Variants in SLC7A8 observed in about 807,000 individuals in gnomAD.
SLC7A8 encodes large neutral amino acids transporter small subunit 2.
SLC7A8 carries 30 observed loss-of-function variants against 51.2 expected under a neutral mutation model. The observed-to-expected ratio is 0.59, with a 90% CI of 0.44 to 0.80. The LOEUF (loss-of-function observed/expected upper bound fraction) is 0.80. Ranked by LOEUF, SLC7A8 falls within the 30% of genes least tolerant of loss-of-function variation. The pLI is 0.00. For missense variants in SLC7A8, 612 were observed against 674.4 expected (o/e 0.91, Z 1.03); for synonymous variants, 257 against 275.8 (o/e 0.93, Z 0.67).
At chr14:23,154,197 T>C in intron 3 of SLC7A8, 2 of 982,592 alleles carry the variant, frequency 2.0e-6, no homozygotes, top group Non-Finnish European at 2.5e-6. Context: ...CCCAGCCCTC[T>C]GAAACGCCAT....
At chr14:23,134,861 C>T (rs2048674367) in intron 7 of SLC7A8, among the ~76,000 whole-genome samples, 1 of 152,204 alleles carries the variant, frequency 6.6e-6, no homozygotes, top group African/African-American at 2.4e-5. Context: ...TGGTAACATG[C>T]TACACAATTA....
At chr14:23,173,496 A>T (rs924593978) in intron 1 of SLC7A8, among the ~76,000 whole-genome samples, 4 of 152,150 alleles carry the variant, frequency 2.6e-5, no homozygotes, top group African/African-American at 9.7e-5. Context: ...AACCAAAATT[A>T]TTGAGTTTGT....
intron 3 of SLC7A8, among the ~76,000 whole-genome samples, chr14:23,149,143 G>A (rs542170962): frequency 9.2e-5 from 14 of 152,260 alleles, no homozygotes; most frequent in Non-Finnish European, 1.2e-4. Flanking sequence ...CCACATAGCC[G>A]CTTCGCACTT....
intron 3 of SLC7A8, among the ~76,000 whole-genome samples, chr14:23,151,749 TAA>T (rs60024939): frequency 0.027 from 2,690 of 100,904 alleles, 98 homozygotes; most frequent in African/African-American, 0.08. Context: ...CCCTGTCTCT[TAA>T]AAAAAAAAAA....
Position 23,165,384 on chromosome 14 carries a change from C to T in SLC7A8, c.409G>A (p.Val137Ile). ...TAGTTGGAGAAGGTGAGGGCGATGA[C>T]AGCCTGGTTGGTGGGGTAGATCACC... ...VLVIYPTNQA[V>I]IALTFSNYVL... Residue 137 changes from valine (V) to isoleucine (I), a missense_variant, in exon 3 of 11, where the codon GTC becomes ATC. Transcript: ENST00000316902. This position sits in a 1 kb window ranked among gnomAD's most constrained non-coding sequence, Gnocchi z 4.2. The T allele has an allele frequency of 1.2e-6, 2 of 1,601,776 alleles. No individual in the cohort carries two copies. Among genetic ancestry groups the T allele is most frequent in the Non-Finnish European group, 1.7e-6 (2 of 1,175,448 alleles).
chr14:23,138,162 C>T (rs893852672), intron 6 of SLC7A8, 138 bp from the exon 7 acceptor site: 1 of 1,108,700 alleles, frequency 9.0e-7, no homozygotes, highest in Non-Finnish European at 1.3e-6. Flanking sequence ...TAATTGCCCC[C>T]ACCCTCTCAA....
chr14:23,131,686 C>A, intron 7 of SLC7A8, 129 bp from the exon 8 acceptor site: 1 of 607,972 alleles, frequency 1.6e-6, no homozygotes, highest in Non-Finnish European at 2.8e-6. Context: ...CCTTCACATG[C>A]ATACTTTCCA....
At chr14:23,150,087 TAA>T (rs1477410877) in intron 3 of SLC7A8, among the ~76,000 whole-genome samples, 1 of 152,226 alleles carries the variant, frequency 6.6e-6, no homozygotes, top group Admixed American at 6.5e-5. Flanking sequence ...AGATTATAGG[TAA>T]AAGAGACAAT....
intron 1 of SLC7A8, among the ~76,000 whole-genome samples, chr14:23,172,355 G>C (rs185811610): frequency 6.6e-6 from 1 of 152,302 alleles, no homozygotes; most frequent in African/African-American, 2.4e-5. Context: ...GCAGGTGGGC[G>C]GGCAGCAGGT....
At chr14:23,163,618 A>G (rs2048935137) in intron 3 of SLC7A8, among the ~76,000 whole-genome samples, 1 of 152,142 alleles carries the variant, frequency 6.6e-6, no homozygotes, top group African/African-American at 2.4e-5. Flanking sequence ...CCCATCCCGT[A>G]ACAGGACAGA....
At chr14:23,154,429 G>T in intron 3 of SLC7A8, 2 of 990,408 alleles carry the variant, frequency 2.0e-6, no homozygotes, top group Non-Finnish European at 2.4e-6. Flanking sequence ...AGCCGGGCCT[G>T]TGGGGGCGTG....
At chr14:23,147,352 C>T (rs1353892037) in intron 3 of SLC7A8, among the ~76,000 whole-genome samples, 1 of 152,156 alleles carries the variant, frequency 6.6e-6, no homozygotes, top group African/African-American at 2.4e-5. Context: ...AGGAAGTTGG[C>T]AGTATAACAG....
chr14:23,143,056 C>G lies in SLC7A8; in HGVS notation c.634+23G>C, dbSNP rs1394604539. The G allele has an allele frequency of 2.5e-6, 4 of 1,612,730 alleles. No homozygotes were observed. The Admixed American group carries it at 5.0e-5, about 20-fold the overall frequency. ...GCAAGGGGAGGAAAGCTGGGCAGTACCTGTTTTTCCTGCGATACTCACCTT... is the reference window on the plus strand; with the variant it reads ...GCAAGGGGAGGAAAGCTGGGCAGTAGCTGTTTTTCCTGCGATACTCACCTT... On this transcript the variant is annotated intron_variant, in intron 4 of 10. Coordinates refer to ENST00000316902, the MANE Select transcript of SLC7A8 (RefSeq NM_012244.4).
At chr14:23,131,804 T>C (rs924948724) in intron 7 of SLC7A8, among the ~76,000 whole-genome samples, 4 of 152,314 alleles carry the variant, frequency 2.6e-5, no homozygotes, top group African/African-American at 9.6e-5. Flanking sequence ...GAATGTGGTA[T>C]GGGTGGCTCA....
chr14:23,127,379 C>A, intron 10 of SLC7A8, 36 bp from the exon 11 acceptor site: 1 of 1,605,428 alleles, frequency 6.2e-7, no homozygotes, highest in Non-Finnish European at 8.5e-7. Flanking sequence ...CAGGCCAATG[C>A]TGAGTATCCC....
intron 7 of SLC7A8, among the ~76,000 whole-genome samples, chr14:23,136,597 G>A (rs553559415): frequency 6.6e-6 from 1 of 152,332 alleles, no homozygotes; most frequent in Non-Finnish European, 1.5e-5. Flanking sequence ...AAGGAAGAAG[G>A]AACTGGAAAG....
Position 23,165,486 on chromosome 14 carries a change from C to A in SLC7A8, c.357-50G>T. On this transcript the variant is annotated intron_variant, in intron 2 of 10. Transcript: ENST00000316902. This position sits in a 1 kb window ranked among gnomAD's most constrained non-coding sequence, Gnocchi z 4.2. ...CGAAAGGCATGGCAGGGACGCAGAG[C>A]CATCAGGGGAGAGCCCGGGCAAGTC... The A allele has an allele frequency of 6.5e-7, 1 of 1,539,794 alleles. No homozygotes were observed. The highest frequency in any genetic ancestry group is 8.7e-7 in the Non-Finnish European group (1 of 1,152,404).
chr14:23,165,234 T>C lies in SLC7A8; in HGVS notation c.508+51A>G. ...ACTCTGTTTCTAAAAATAATAATAATAAATATAATAAAAGAGGCTGTCTTG... is the reference window on the plus strand; with the variant it reads ...ACTCTGTTTCTAAAAATAATAATAACAAATATAATAAAAGAGGCTGTCTTG... On this transcript the variant is annotated intron_variant, in intron 3 of 10. Coordinates refer to ENST00000316902, the MANE Select transcript of SLC7A8 (RefSeq NM_012244.4). This position sits in a 1 kb window ranked among gnomAD's most constrained non-coding sequence, Gnocchi z 4.2. 1 of 1,465,970 alleles carries C rather than the reference T, an allele frequency of 6.8e-7. No individual in the cohort carries two copies. The highest frequency in any genetic ancestry group is 9.0e-7 in the Non-Finnish European group (1 of 1,107,748). 90.8% of individuals were successfully genotyped at this position (1,465,970 alleles called of 1,614,324 possible).
intron 10 of SLC7A8, 126 bp from the exon 11 acceptor site, chr14:23,127,469 A>G: frequency 8.9e-7 from 1 of 1,125,592 alleles, no homozygotes. Context: ...CAGTGCGTTG[A>G]AGAGAATCCT....
Sources: gnomAD v4.1 joint callset for allele counts (sites outside exome capture counted in the v4.1 genomes callset) on GRCh38, gnomAD v4.1.1 for gene constraint, Gnocchi (gnomAD v3.1) non-coding constraint, MANE v1.5 for transcripts, NCBI Gene and HGNC (gene_info 2026-07-23, HGNC 2026-07-21) for gene names.